FLI1: variants seen among roughly 807,000 people sequenced by gnomAD.
FLI1 encodes Fli-1 proto-oncogene, ETS transcription factor, also known as Friend leukemia integration 1 transcription factor.
In FLI1, 13 loss-of-function variants were observed where a neutral mutation model predicts 53.1. The ratio of observed to expected loss-of-function variants is 0.24; its 90% CI spans 0.16 to 0.39. FLI1 has a LOEUF of 0.39. Ranked by LOEUF, FLI1 falls within the 10% of genes least tolerant of loss-of-function variation. The pLI, the probability that FLI1 is intolerant of heterozygous loss-of-function variation, is 1.00. For synonymous variants in FLI1, 244 were observed against 236.7 expected (o/e 1.03, Z -0.28); for missense variants, 424 against 600.5 (o/e 0.71, Z 3.07).
rs1184892998 is a variant in FLI1, at chr11:128,766,023, CTGT to C, written c.231-2092_231-2090del. 8.5e-5 allele frequency among the ~76,000 whole-genome samples: 13 copies of C among 152,238 alleles called. No individual in the cohort carries two copies. The East Asian group carries it at 2.3e-3, about 27-fold the overall frequency. ...GTAAGCATATGTGTGCACGTGTTCT[CTGT>C]TGAAGTATGTGCATGCATGTGGGTA... On this transcript the variant is annotated intron_variant, in intron 2 of 8. Transcript: ENST00000527786.
chr11:128,718,894 A>C (rs1336613057), intron 1 of FLI1, among the ~76,000 whole-genome samples: 1 of 152,116 alleles, frequency 6.6e-6, no homozygotes, highest in Non-Finnish European at 1.5e-5. Flanking sequence ...GTGGATCCAA[A>C]TTGGGCTGAA....
intron 1 of FLI1, among the ~76,000 whole-genome samples, chr11:128,723,266 C>T (rs1451488933): frequency 6.6e-6 from 1 of 152,066 alleles, no homozygotes; most frequent in Admixed American, 6.5e-5. Context: ...AAGAGAGGAG[C>T]AAGTGGGGGC....
At chr11:128,796,648 G>C (rs1942453313) in intron 5 of FLI1, among the ~76,000 whole-genome samples, 1 of 152,224 alleles carries the variant, frequency 6.6e-6, no homozygotes, top group East Asian at 1.9e-4. Context: ...AGGGACGGAA[G>C]TGTTTCCTGC....
At chr11:128,806,726 C>T (rs1942792769) in intron 6 of FLI1, 1 of 152,614 alleles carries the variant, frequency 6.6e-6, no homozygotes, top group African/African-American at 2.4e-5. Flanking sequence ...AAGGAGGAAA[C>T]TCACAAGACA....
chr11:128,749,824 G>T lies in FLI1; in HGVS notation c.19-8291G>T, dbSNP rs1940564115. ...TTTCCCTCCCTGCCCTTTACGCAGT[G>T]GAAATGAGGAGCAAGAAATGCGCAC... On this transcript the variant is annotated intron_variant, in intron 1 of 8. Transcript: ENST00000527786. Among the ~76,000 whole-genome samples the T allele has an allele frequency of 2.6e-5, 4 of 152,144 alleles. No homozygotes were observed. In the South Asian group the frequency reaches 8.3e-4, roughly 31 times the overall value.
chr11:128,696,222 T>C (rs778794887), intron 1 of FLI1, among the ~76,000 whole-genome samples: 19 of 152,224 alleles, frequency 1.2e-4, no homozygotes, highest in Admixed American at 3.3e-4. Flanking sequence ...AAACCCTCCC[T>C]GTGAGCAACC....
intron 4 of FLI1, among the ~76,000 whole-genome samples, chr11:128,777,291 T>C (rs1217794460): frequency 6.6e-6 from 1 of 151,982 alleles, no homozygotes; most frequent in Non-Finnish European, 1.5e-5. Context: ...AGAGCCTTTT[T>C]TAAGTTTTAC....
intron 5 of FLI1, among the ~76,000 whole-genome samples, chr11:128,800,528 G>A (rs1354042657): frequency 6.6e-6 from 1 of 152,156 alleles, no homozygotes; most frequent in Admixed American, 6.5e-5. Context: ...CATATTTCTA[G>A]GACCAGGTTA....
intron 1 of FLI1, among the ~76,000 whole-genome samples, chr11:128,708,716 G>T (rs566613782): frequency 6.6e-6 from 1 of 152,258 alleles, no homozygotes; most frequent in South Asian, 2.1e-4. Context: ...CTAACTACTG[G>T]GTGGCTCATT....
chr11:128,782,447 C>A (rs1212368021), intron 5 of FLI1, among the ~76,000 whole-genome samples: 1 of 152,092 alleles, frequency 6.6e-6, no homozygotes, highest in Non-Finnish European at 1.5e-5. Context: ...GTAATCCCAG[C>A]GCTTTGGGGG....
chr11:128,777,284 G>A (rs1941763513), intron 4 of FLI1, among the ~76,000 whole-genome samples: 1 of 152,064 alleles, frequency 6.6e-6, no homozygotes, highest in Non-Finnish European at 1.5e-5. Flanking sequence ...AAGAAAAAGA[G>A]CCTTTTTTAA....
intron 1 of FLI1, among the ~76,000 whole-genome samples, chr11:128,741,186 G>A (rs1398902557): frequency 6.6e-6 from 1 of 152,318 alleles, no homozygotes; most frequent in East Asian, 1.9e-4. Context: ...TTGAGGTCAG[G>A]AGTTGGAGAC....
chr11:128,743,832 T>A (rs748633779), intron 1 of FLI1, among the ~76,000 whole-genome samples: 2 of 152,216 alleles, frequency 1.3e-5, no homozygotes, highest in African/African-American at 2.4e-5. Flanking sequence ...AATGTTTTCT[T>A]TGGAGGACCA....
chr11:128,766,954 C>T (rs947276158), intron 2 of FLI1, among the ~76,000 whole-genome samples: 4 of 152,028 alleles, frequency 2.6e-5, no homozygotes, highest in African/African-American at 7.2e-5. Context: ...TACAGCTTCT[C>T]CTTGGCCTTC....
chr11:128,780,522 G>A (rs540562008), intron 4 of FLI1, among the ~76,000 whole-genome samples: 5 of 152,366 alleles, frequency 3.3e-5, no homozygotes, highest in Admixed American at 6.5e-5. Context: ...TTGAATCTGC[G>A]AGGCGGAGGT....
intron 1 of FLI1, among the ~76,000 whole-genome samples, chr11:128,750,859 A>T (rs1940614103): frequency 6.6e-6 from 1 of 152,374 alleles, no homozygotes; most frequent in Middle Eastern, 3.4e-3. Context: ...AAATTTTTAA[A>T]TTCGTGAATG....
chr11:128,780,600 AAAAT>A (rs1274918179), intron 4 of FLI1, among the ~76,000 whole-genome samples: 1 of 152,244 alleles, frequency 6.6e-6, no homozygotes, highest in African/African-American at 2.4e-5. Context: ...CGTTTCAAAA[AAAAT>A]AAATAAATAA....
At chr11:128,805,706 T>A (rs1942763888) in intron 6 of FLI1, 1 of 367,192 alleles carries the variant, frequency 2.7e-6, no homozygotes, top group Non-Finnish European at 4.9e-6. Context: ...TCTGTACCAA[T>A]GAATGGTCAC....
At chr11:128,782,704 A>T (rs1941955773) in intron 5 of FLI1, among the ~76,000 whole-genome samples, 1 of 152,198 alleles carries the variant, frequency 6.6e-6, no homozygotes, top group Non-Finnish European at 1.5e-5. Context: ...TCTCAAAAAA[A>T]ATTTTAGCGA....
Sources: gnomAD v4.1 joint callset for allele counts (sites outside exome capture counted in the v4.1 genomes callset) on GRCh38, gnomAD v4.1.1 for gene constraint, MANE v1.5 for transcripts, NCBI Gene and HGNC (gene_info 2026-07-23, HGNC 2026-07-21) for gene names.